The following SMTNL1 variants were observed in gnomAD, a reference collection of about 807,000 sequenced individuals.
SMTNL1 encodes the protein smoothelin-like protein 1.
SMTNL1 carries 41 observed loss-of-function variants against 46.6 expected under a neutral mutation model. The ratio of observed to expected loss-of-function variants is 0.88; its 90% CI spans 0.69 to 1.14. SMTNL1 has a LOEUF of 1.14. Ranked by LOEUF, SMTNL1 falls within the 50% of genes most tolerant of loss-of-function variation. The probability of loss-of-function intolerance (pLI) is 0.00; values close to 1 mark genes in which losing one functional copy is unlikely to be tolerated. For missense variants in SMTNL1, 591 were observed against 626.1 expected (o/e 0.94, Z 0.60); for synonymous variants, 234 against 234.2 (o/e 1.00, Z 0.01).
At position 57,546,055 on chromosome 11, in the gene SMTNL1, G is replaced by A; in HGVS notation, c.1073+19G>A. 1.3e-6 allele frequency: 2 copies of A among 1,551,464 alleles called. No individual in the cohort carries two copies. The highest frequency in any genetic ancestry group is 2.3e-5 in the East Asian group (1 of 44,382). On this transcript the variant is annotated intron_variant, in intron 5 of 7. Coordinates refer to ENST00000527972, the MANE Select transcript of SMTNL1 (RefSeq NM_001105565.3). ...TTGGCGGGTAGGACACAGGCCAGGG[G>A]CTGGGCTGGGCTTTCCCATAGGAAC...
chr11:57,549,975 G>T lies in SMTNL1; in HGVS notation c.1348G>T (p.Ala450Ser), dbSNP rs1944945690. 16 of 1,613,912 alleles carry T rather than the reference G, an allele frequency of 9.9e-6. No homozygotes were observed. The highest frequency in any genetic ancestry group is 1.3e-5 in the Non-Finnish European group (15 of 1,179,866). Residue 450 changes from alanine (A) to serine (S), a missense_variant, in exon 8 of 8, where the codon GCT (alanine) becomes TCT (serine). Physicochemically the swap from Ala to Ser is moderately conservative, Grantham distance 99 (BLOSUM62 1). Coordinates refer to ENST00000527972, the MANE Select transcript of SMTNL1 (RefSeq NM_001105565.3). ...TTCCACCCCATTCCTTAGGAAACTG[G>T]CTGACTGTGCTCAGCTGCTGGACGT... is the stretch of plus-strand genomic sequence containing the variant. ...TLAFSTAEKLADCAQLLDVDD... is the reference protein window; with the variant it reads ...TLAFSTAEKLSDCAQLLDVDD...
intron 7 of SMTNL1, 140 bp downstream of exon 7, chr11:57,546,792 G>A (rs1349733256): frequency 2.0e-5 from 23 of 1,147,698 alleles, no homozygotes; most frequent in Middle Eastern, 2.3e-4. Context: ...TGAGGGCCAG[G>A]CACTGTTTCA....
At chr11:57,549,595 G>C (rs561956614) in intron 7 of SMTNL1, among the ~76,000 whole-genome samples, 2 of 151,874 alleles carry the variant, frequency 1.3e-5, no homozygotes, top group South Asian at 4.2e-4. Context: ...GGCTGGTCTC[G>C]AACTACTGAG....
intron 1 of SMTNL1, chr11:57,541,667 G>A: frequency 1.7e-6 from 2 of 1,155,768 alleles, no homozygotes; most frequent in South Asian, 1.5e-5. Context: ...TTGGCCCTGG[G>A]GTTCCCAAAT....
At chr11:57,549,644 G>A (rs997571454) in intron 7 of SMTNL1, among the ~76,000 whole-genome samples, 4 of 152,138 alleles carry the variant, frequency 2.6e-5, no homozygotes, top group African/African-American at 9.7e-5. Flanking sequence ...CAAAGTGCTG[G>A]GATTATAGGT....
intron 4 of SMTNL1, among the ~76,000 whole-genome samples, chr11:57,544,470 G>T (rs935327747): frequency 1.3e-5 from 2 of 152,182 alleles, no homozygotes; most frequent in African/African-American, 4.8e-5. Context: ...GCTGAAGTCT[G>T]CCCTGTGGCA....
intron 4 of SMTNL1, 149 bp from the exon 5 acceptor site, chr11:57,545,732 C>T: frequency 1.3e-6 from 1 of 748,238 alleles, no homozygotes; most frequent in Non-Finnish European, 2.1e-6. Flanking sequence ...ACTCACGATT[C>T]CTTCTCAATG....
chr11:57,538,491 T>C (rs955772417), intron 1 of SMTNL1, among the ~76,000 whole-genome samples: 1 of 152,180 alleles, frequency 6.6e-6, no homozygotes, highest in Non-Finnish European at 1.5e-5. Context: ...AGAGAAACTT[T>C]CATGAAGGGC....
chr11:57,550,029 G>A lies in SMTNL1; in HGVS notation c.1402G>A (p.Asp468Asn), dbSNP rs778231062. Reference protein sequence around the residue: ...VDDMVRLAVPDSKCVYTYIQE... With the variant: ...VDDMVRLAVPNSKCVYTYIQE... ...TGACATGGTGCGGTTGGCTGTGCCC[G>A]ACTCCAAGTGCGTCTACACATACAT... is the stretch of plus-strand genomic sequence containing the variant. The change falls in exon 8 of 8, where the codon GAC (aspartate) becomes AAC (asparagine). Residue 468 changes from aspartate (D) to asparagine (N), a missense_variant. Physicochemically the swap from Asp to Asn is conservative, Grantham distance 23 (BLOSUM62 1). Coordinates refer to ENST00000527972, the MANE Select transcript of SMTNL1 (RefSeq NM_001105565.3). The A allele has an allele frequency of 5.0e-6, 8 of 1,613,842 alleles. No homozygotes were observed. Among genetic ancestry groups the A allele is most frequent in the East Asian group, 2.2e-5 (1 of 44,896 alleles).
chr11:57,542,358 C>T (rs1944886268), intron 1 of SMTNL1, among the ~76,000 whole-genome samples: 1 of 152,306 alleles, frequency 6.6e-6, no homozygotes, highest in Middle Eastern at 3.4e-3. Flanking sequence ...AAAGAGGCAA[C>T]ATGACTGAAA....
intron 1 of SMTNL1, among the ~76,000 whole-genome samples, chr11:57,541,784 A>G (rs1327703317): frequency 6.6e-6 from 1 of 152,238 alleles, no homozygotes; most frequent in Non-Finnish European, 1.5e-5. Flanking sequence ...TAAGTTCAGT[A>G]AATGTATTTT....
chr11:57,545,228 G>C (rs1156817158), intron 4 of SMTNL1, among the ~76,000 whole-genome samples: 1 of 152,148 alleles, frequency 6.6e-6, no homozygotes, highest in Non-Finnish European at 1.5e-5. Context: ...ACATAGGGCA[G>C]GTAGGTATTC....
Position 57,550,015 on chromosome 11 carries a change from G to A in SMTNL1, c.1388G>A (p.Arg463Gln), listed in dbSNP as rs373500137. 137 of 1,613,796 alleles carry A rather than the reference G, an allele frequency of 8.5e-5. 1 individual carries two copies. The highest frequency in any genetic ancestry group is 8.5e-4 in the South Asian group (77 of 91,072). ...AQLLDVDDMV[R>Q]LAVPDSKCVY... ...CTGCTGGACGTGGATGACATGGTGC[G>A]GTTGGCTGTGCCCGACTCCAAGTGC... Residue 463 changes from arginine to glutamine, a missense_variant, in exon 8 of 8, where the codon CGG becomes CAG. By Grantham distance (43) the Arg-to-Gln change is conservative. Coordinates refer to ENST00000527972, the MANE Select transcript of SMTNL1 (RefSeq NM_001105565.3).
intron 7 of SMTNL1, among the ~76,000 whole-genome samples, chr11:57,549,114 C>A (rs976587960): frequency 6.6e-6 from 1 of 151,890 alleles, no homozygotes; most frequent in Non-Finnish European, 1.5e-5. Context: ...CAACCTCCAC[C>A]TCCTGGGTTC....
At position 57,546,563 on chromosome 11, in the gene SMTNL1, C is replaced by T; in HGVS notation, c.1251C>T (p.Ile417=). The T allele has an allele frequency of 6.2e-7, 1 of 1,614,208 alleles. No homozygotes were observed. The highest frequency in any genetic ancestry group is 8.5e-7 in the Non-Finnish European group (1 of 1,180,008). ...GTGGTATGGCCTTCTGTGCCCTCAT[C>T]CACAAGTTCTTCCCTGACGCCTTTG... is the stretch of plus-strand genomic sequence containing the variant. ...WSSGMAFCAL[I]HKFFPDAFDY... Residue 417 remains isoleucine, a synonymous_variant, in exon 7 of 8, where the codon ATC becomes ATT. Transcript: ENST00000527972.
intron 7 of SMTNL1, among the ~76,000 whole-genome samples, chr11:57,547,518 A>G (rs1944930947): frequency 6.6e-6 from 1 of 152,200 alleles, no homozygotes; most frequent in South Asian, 2.1e-4. Flanking sequence ...GCCCCACATC[A>G]CAGGGCTTGT....
rs766683628 is a variant in SMTNL1 at position 57,546,041 on chromosome 11, G to T, written c.1073+5G>T. 6.3e-7 allele frequency: 1 copy of T among 1,576,130 alleles called. No homozygotes were observed. Among genetic ancestry groups the T allele is most frequent in the Admixed American group, 1.8e-5 (1 of 54,124 alleles). On this transcript the variant is annotated splice_donor_5th_base_variant and intron_variant, in intron 5 of 7. Coordinates refer to ENST00000527972, the MANE Select transcript of SMTNL1 (RefSeq NM_001105565.3). ...CATCGTGGACAAGTTTGGCGGGTAGGACACAGGCCAGGGGCTGGGCTGGGC... is the reference window on the plus strand; with the variant it reads ...CATCGTGGACAAGTTTGGCGGGTAGTACACAGGCCAGGGGCTGGGCTGGGC...
In SMTNL1 at chr11:57,545,745, C is replaced by T. The variant is rs1944915899; in HGVS notation, c.918-136C>T. 24 of 818,450 alleles carry T rather than the reference C, an allele frequency of 2.9e-5. No homozygotes were observed. The South Asian group carries it at 3.7e-4, about 13-fold the overall frequency. The allele number at this position is 818,450 out of a possible 1,614,324, so 50.7% of individuals were successfully genotyped here. ...AGACTCACGATTCCTTCTCAATGTCCTCCCAGTGCTGGGCACAGCTGCACA... is the reference window on the plus strand; with the variant it reads ...AGACTCACGATTCCTTCTCAATGTCTTCCCAGTGCTGGGCACAGCTGCACA... On this transcript the variant is annotated intron_variant, in intron 4 of 7. Coordinates refer to ENST00000527972, the MANE Select transcript of SMTNL1 (RefSeq NM_001105565.3).
intron 7 of SMTNL1, among the ~76,000 whole-genome samples, chr11:57,549,018 CT>C (rs1039354089): frequency 1.9e-4 from 28 of 146,328 alleles, no homozygotes; most frequent in African/African-American, 4.8e-4. Context: ...TGTCCTTTAT[CT>C]TTTTTTTTTC....
Sources: allele counts gnomAD v4.1 joint callset (sites outside exome capture counted in the v4.1 genomes callset), GRCh38; gene constraint gnomAD v4.1.1; transcripts MANE v1.5; gene names NCBI Gene and HGNC (gene_info 2026-07-23, HGNC 2026-07-21).